Variants in YAP1 observed in about 807,000 individuals in gnomAD.
YAP1 encodes the protein transcriptional coactivator YAP1.
Under a neutral mutation model 56.9 loss-of-function variants are expected in YAP1, and 5 were observed. The observed-to-expected ratio is 0.09, with a 90% CI of 0.05 to 0.18. The LOEUF (loss-of-function observed/expected upper bound fraction) is 0.18. Among genes scored for constraint, YAP1 ranks in the 10% least tolerant of loss-of-function variants. YAP1 has a pLI of 1.00. For missense variants in YAP1, 539 were observed against 651.8 expected (o/e 0.83, Z 1.88); for synonymous variants, 265 against 248.1 (o/e 1.07, Z -0.64).
intron 2 of YAP1, among the ~76,000 whole-genome samples, chr11:102,147,573 T>C (rs1945396157): frequency 6.6e-6 from 1 of 152,180 alleles, no homozygotes; most frequent in Non-Finnish European, 1.5e-5. Flanking sequence ...AGTTCAAAGA[T>C]GAAATAATAT....
chr11:102,224,159 G>A (rs1226068952), intron 7 of YAP1, among the ~76,000 whole-genome samples: 1 of 152,146 alleles, frequency 6.6e-6, no homozygotes, highest in African/African-American at 2.4e-5. Flanking sequence ...AAGCTAAAAC[G>A]TTTCACCCAG....
At chr11:102,150,980 T>C (rs1945617572) in intron 2 of YAP1, among the ~76,000 whole-genome samples, 1 of 151,908 alleles carries the variant, frequency 6.6e-6, no homozygotes, top group African/African-American at 2.4e-5. Flanking sequence ...TTTGTATTTT[T>C]AGTAGAGACA....
At chr11:102,207,527 TAA>T (rs879674853) in intron 5 of YAP1, among the ~76,000 whole-genome samples, 10 of 141,450 alleles carry the variant, frequency 7.1e-5, no homozygotes, top group African/African-American at 7.8e-5. Flanking sequence ...CTCTGTCTCT[TAA>T]AAAAAAAAAA....
chr11:102,123,871 C>A (rs1943859320), intron 2 of YAP1, among the ~76,000 whole-genome samples: 2 of 152,028 alleles, frequency 1.3e-5, no homozygotes, highest in Non-Finnish European at 2.9e-5. Context: ...TCGTGATCCG[C>A]CCACCTTGGC....
At chr11:102,201,459 CAG>C (rs1948855595) in intron 4 of YAP1, among the ~76,000 whole-genome samples, 1 of 152,138 alleles carries the variant, frequency 6.6e-6, no homozygotes, top group Non-Finnish European at 1.5e-5. Flanking sequence ...AATTCAAAGA[CAG>C]AATGTCATAA....
At chr11:102,180,380 A>G (rs377329118) in intron 3 of YAP1, among the ~76,000 whole-genome samples, 103 of 152,228 alleles carry the variant, frequency 6.8e-4, no homozygotes, top group African/African-American at 2.4e-3. Context: ...GAAAACATGC[A>G]TAATGAAATA....
At chr11:102,137,350 T>G (rs1054048991) in intron 2 of YAP1, among the ~76,000 whole-genome samples, 2 of 152,158 alleles carry the variant, frequency 1.3e-5, no homozygotes, top group Non-Finnish European at 2.9e-5. Context: ...TCTTAGTGAA[T>G]GGAATTAATA....
chr11:102,212,267 C>T lies in YAP1; in HGVS notation c.1032+2703C>T, dbSNP rs1369800261. On this transcript the variant is annotated intron_variant, in intron 6 of 8. Coordinates refer to ENST00000282441, the MANE Select transcript of YAP1 (RefSeq NM_001130145.3). ...ATATGCTGTGGGATGTGGAAAGCCA[C>T]TAAACTTCAAAATGCTTATGAATTA... 5.9e-5 allele frequency among the ~76,000 whole-genome samples: 9 copies of T among 152,266 alleles called. 1 individual carries two copies. Among genetic ancestry groups the T allele is most frequent in the African/African-American group, 2.2e-4 (9 of 41,550 alleles).
chr11:102,212,772 G>T (rs1007927371), intron 6 of YAP1, among the ~76,000 whole-genome samples: 6 of 152,018 alleles, frequency 3.9e-5, no homozygotes, highest in African/African-American at 1.4e-4. Context: ...GTAGAGACAG[G>T]GTTTCTCCAT....
intron 4 of YAP1, among the ~76,000 whole-genome samples, chr11:102,201,763 T>C (rs920144418): frequency 2.0e-5 from 3 of 152,112 alleles, no homozygotes; most frequent in Admixed American, 6.5e-5. Flanking sequence ...ATTGGAAATA[T>C]GCATTTTCTG....
intron 3 of YAP1, among the ~76,000 whole-genome samples, chr11:102,183,739 T>TGTGTGTGTGTGTGTGTGTGTG (rs1565241068): frequency 2.7e-5 from 4 of 150,756 alleles, no homozygotes; most frequent in Admixed American, 1.3e-4. Context: ...TGTGTGTGTG[T>TGTGTGTGTGTGTGTGTGTGTG]TTAAACCACA....
intron 6 of YAP1, among the ~76,000 whole-genome samples, chr11:102,219,736 G>C (rs11225166): frequency 0.12 from 17,878 of 151,686 alleles, 1,225 homozygotes; most frequent in East Asian, 0.22. Flanking sequence ...GATTATACCT[G>C]ATGACCTGGT....
At chr11:102,122,897 A>AAAAAAAAACAAAAAAAAAAAC (rs1943762296) in intron 2 of YAP1, among the ~76,000 whole-genome samples, 1 of 26,918 alleles carries the variant, frequency 3.7e-5, no homozygotes, top group South Asian at 2.1e-3. Context: ...ACTTCTCTCA[A>AAAAAAAAACAAAAAAAAAAAC]AAAAAAAAAA....
chr11:102,215,009 G>C (rs1949590794), intron 6 of YAP1, among the ~76,000 whole-genome samples: 2 of 152,126 alleles, frequency 1.3e-5, no homozygotes, highest in Non-Finnish European at 1.5e-5. Context: ...AATCAAAAAA[G>C]TTGTTCTAAA....
At chr11:102,112,677 C>G in intron 1 of YAP1, 1 of 985,060 alleles carries the variant, frequency 1.0e-6, no homozygotes. Flanking sequence ...TGACAAAAAC[C>G]CGGGTTAAGG....
At chr11:102,130,233 G>A (rs1303268928) in intron 2 of YAP1, among the ~76,000 whole-genome samples, 1 of 152,122 alleles carries the variant, frequency 6.6e-6, no homozygotes. Flanking sequence ...GAGTGGAACA[G>A]AATTGGTACA....
Position 102,229,997 on chromosome 11 carries a change from C to A in YAP1, c.*57C>A. The A allele has an allele frequency of 6.8e-7, 1 of 1,468,388 alleles. No individual in the cohort carries two copies. Among genetic ancestry groups the A allele is most frequent in the Non-Finnish European group, 9.4e-7 (1 of 1,060,626 alleles). The allele number at this position is 1,468,388 out of a possible 1,614,324, so 91.0% of individuals were successfully genotyped here. On this transcript the variant is annotated 3_prime_UTR_variant, in exon 9 of 9. Coordinates refer to ENST00000282441, the MANE Select transcript of YAP1 (RefSeq NM_001130145.3). ...GAAGGATCTAAGGAGACACATGCAC[C>A]GGAAATTTCCATAAGCCAGTTGCAG... is the stretch of plus-strand genomic sequence containing the variant.
At chr11:102,170,618 G>A (rs1946846781) in intron 3 of YAP1, among the ~76,000 whole-genome samples, 1 of 152,094 alleles carries the variant, frequency 6.6e-6, no homozygotes, top group Non-Finnish European at 1.5e-5. Flanking sequence ...TTTACTAGAA[G>A]CCTTTGAAGT....
intron 2 of YAP1, among the ~76,000 whole-genome samples, chr11:102,158,112 A>G (rs1229461828): frequency 2.0e-5 from 3 of 152,112 alleles, no homozygotes; most frequent in South Asian, 2.1e-4. Context: ...TTAAGATTAC[A>G]CTCCTGGGAT....
Sources: gnomAD v4.1 joint callset for allele counts (sites outside exome capture counted in the v4.1 genomes callset) on GRCh38, gnomAD v4.1.1 for gene constraint, MANE v1.5 for transcripts, NCBI Gene and HGNC (gene_info 2026-07-23, HGNC 2026-07-21) for gene names.